The following DENND4C variants were observed in gnomAD, a reference collection of about 807,000 sequenced individuals.
The protein encoded by DENND4C is DENN domain-containing protein 4C.
DENND4C carries 108 observed loss-of-function variants against 203.0 expected under a neutral mutation model. The observed-to-expected ratio is 0.53, with a 90% CI of 0.46 to 0.62. The LOEUF is 0.62. DENND4C is among the 20% of genes least tolerant of loss of function. The pLI is 0.00. For missense variants in DENND4C, 2,481 were observed against 2,301.2 expected (o/e 1.08, Z -1.60); for synonymous variants, 871 against 792.4 (o/e 1.10, Z -1.67).
chr9:19,258,168 A>G (rs1564093296), intron 1 of DENND4C, among the ~76,000 whole-genome samples: 1 of 152,100 alleles, frequency 6.6e-6, no homozygotes, highest in African/African-American at 2.4e-5. Context: ...AGAAATAGGC[A>G]AGCCAAATAG....
At chr9:19,316,298 G>T (rs1176704424) in intron 10 of DENND4C, 119 bp from the exon 11 acceptor site, 4 of 720,646 alleles carry the variant, frequency 5.6e-6, no homozygotes, top group African/African-American at 1.8e-5. Context: ...GTTTGCATCA[G>T]TTAAGACTGT....
At chr9:19,274,585 G>T (rs73429033) in intron 1 of DENND4C, among the ~76,000 whole-genome samples, 6,653 of 152,070 alleles carry the variant, frequency 0.044, 288 homozygotes, top group African/African-American at 0.11. Flanking sequence ...GTGAGCCACC[G>T]TGCCCGGCCT....
intron 28 of DENND4C, among the ~76,000 whole-genome samples, chr9:19,359,926 C>T (rs1018667430): frequency 1.3e-5 from 2 of 152,052 alleles, no homozygotes; most frequent in Non-Finnish European, 2.9e-5. Flanking sequence ...ACATACATTA[C>T]TATAAAGCAT....
chr9:19,258,986 G>T (rs1828681608), intron 1 of DENND4C, among the ~76,000 whole-genome samples: 1 of 152,028 alleles, frequency 6.6e-6, no homozygotes, highest in Admixed American at 6.6e-5. Context: ...TACATAGTAG[G>T]TGTATATATT....
At chr9:19,242,556 A>G (rs937975289) in intron 1 of DENND4C, among the ~76,000 whole-genome samples, 2 of 151,814 alleles carry the variant, frequency 1.3e-5, no homozygotes, top group Non-Finnish European at 2.9e-5. Flanking sequence ...TGAATGTTAG[A>G]GTTCCTGTTC....
At chr9:19,276,134 G>A (rs7863025) in intron 1 of DENND4C, 24 bp from the exon 2 acceptor site, 1,061,607 of 1,155,344 alleles carry the variant, frequency 0.92, 488,345 homozygotes, top group East Asian at 1. Context: ...TATTTTATTG[G>A]TATCTTTCCC....
At chr9:19,241,254 T>C (rs1310181198) in intron 1 of DENND4C, among the ~76,000 whole-genome samples, 1 of 152,240 alleles carries the variant, frequency 6.6e-6, no homozygotes, top group Non-Finnish European at 1.5e-5. Flanking sequence ...CTTTTGACTT[T>C]AGAAGCTTTA....
At chr9:19,276,765 T>C (rs954509575) in intron 2 of DENND4C, 3 of 212,310 alleles carry the variant, frequency 1.4e-5, no homozygotes, top group African/African-American at 2.3e-5. Context: ...GTTGTACTTA[T>C]CAAATAAGAT....
intron 12 of DENND4C, among the ~76,000 whole-genome samples, chr9:19,321,831 CA>C (rs35648828): frequency 0.37 from 32,290 of 86,634 alleles, 3,658 homozygotes; most frequent in East Asian, 0.5. Flanking sequence ...GACTCCATCT[CA>C]AAAAAAAAAA....
rs1446327742 is a variant in DENND4C, at chr9:19,334,971, T to G, written c.2461-6T>G. ...ATTACTGACACTGATTTTTTTTTTT[T>G]GTTAGGTGTGCTATCGAGTAGTGAT... On this transcript the variant is annotated splice_polypyrimidine_tract_variant and splice_region_variant and intron_variant, in intron 17 of 32. Coordinates refer to ENST00000434457, the MANE Select transcript of DENND4C (RefSeq NM_001330640.2). 2.5e-6 allele frequency: 4 copies of G among 1,579,918 alleles called. No homozygotes were observed. Among genetic ancestry groups the G allele is most frequent in the Non-Finnish European group, 3.4e-6 (4 of 1,168,716 alleles).
chr9:19,359,826 T>G (rs1406191693), intron 28 of DENND4C, among the ~76,000 whole-genome samples: 2 of 152,208 alleles, frequency 1.3e-5, no homozygotes, highest in Non-Finnish European at 2.9e-5. Context: ...GTTGTAAAAG[T>G]GAGTTAAGTC....
intron 1 of DENND4C, among the ~76,000 whole-genome samples, chr9:19,259,509 T>C (rs983533982): frequency 6.7e-6 from 1 of 149,518 alleles, no homozygotes; most frequent in Non-Finnish European, 1.5e-5. Context: ...TTTTTTCTTT[T>C]TTTTTTTTTT....
rs1823031515 is a variant in DENND4C, at chr9:19,346,890, C to G, written c.4121C>G (p.Ser1374Cys). Reference protein sequence around the residue: ...PSRTHKERSTSLSALVRSSPH... With the variant: ...PSRTHKERSTCLSALVRSSPH... ...CGAACTCATAAAGAACGTTCAACTT[C>G]TTTGTCAGCACTGGTGCGTTCTTCG... Residue 1374 changes from serine to cysteine, a missense_variant, in exon 23 of 33, where the codon TCT (serine) becomes TGT (cysteine). Physicochemically the swap from Ser to Cys is moderately radical, Grantham distance 112. Around this residue, in one of 3 missense-constraint regions of DENND4C, gnomAD observed 2,289 missense variants for 2,113.3 expected, o/e 1.08. Transcript: ENST00000434457. The G allele has an allele frequency of 6.2e-7, 1 of 1,614,216 alleles. No homozygotes were observed. Among genetic ancestry groups the G allele is most frequent in the Non-Finnish European group, 8.5e-7 (1 of 1,180,044 alleles).
intron 13 of DENND4C, among the ~76,000 whole-genome samples, chr9:19,325,446 A>T (rs1380246764): frequency 1.3e-5 from 2 of 152,178 alleles, no homozygotes; most frequent in Non-Finnish European, 2.9e-5. Flanking sequence ...AAAAAAGTTG[A>T]ATATTATGAC....
intron 1 of DENND4C, among the ~76,000 whole-genome samples, chr9:19,268,193 C>T (rs542136742): frequency 1.3e-4 from 19 of 151,938 alleles, no homozygotes; most frequent in African/African-American, 2.9e-4. Context: ...TCGACCTCTC[C>T]GGCTTAAGCC....
intron 23 of DENND4C, among the ~76,000 whole-genome samples, chr9:19,349,603 A>G (rs1823638936): frequency 6.6e-6 from 1 of 152,208 alleles, no homozygotes; most frequent in South Asian, 2.1e-4. Context: ...ACATGAAGGA[A>G]TGAATGAAAA....
At position 19,373,423 on chromosome 9, in the gene DENND4C, C is replaced by T. The variant is rs1164358160; in HGVS notation, c.*1250C>T. 1 of 152,582 alleles carries T rather than the reference C, an allele frequency of 6.6e-6. No homozygotes were observed. Among genetic ancestry groups the T allele is most frequent in the African/African-American group, 2.4e-5 (1 of 41,442 alleles). The allele number at this position is 152,582 out of a possible 1,614,324, so 9.5% of individuals were successfully genotyped here. A position where few individuals can be genotyped will look rare whatever the true frequency, so the allele number is the denominator to read the frequency against. On this transcript the variant is annotated 3_prime_UTR_variant, in exon 33 of 33. Coordinates refer to ENST00000434457, the MANE Select transcript of DENND4C (RefSeq NM_001330640.2). Reference sequence around the variant, plus strand: ...ATTGAACATGAAATCTTTTTTCAGGCACATACATTGTTGGTATTGATGACT... The same window carrying T: ...ATTGAACATGAAATCTTTTTTCAGGTACATACATTGTTGGTATTGATGACT...
chr9:19,371,772 A>T lies in DENND4C; in HGVS notation c.5692A>T (p.Ile1898Phe), dbSNP rs781448954. ...GTTTTATAGGAGTTTATACAGAGAAATCCTCTTCTTATCATTAGTGTCTCT... is the reference window on the plus strand; with the variant it reads ...GTTTTATAGGAGTTTATACAGAGAATTCCTCTTCTTATCATTAGTGTCTCT... The part of the protein sequence containing the change: ...MKRQRSLYRE[I>F]LFLSLVSLGR... The change falls in exon 32 of 33, where the codon ATC becomes TTC. Residue 1898 changes from isoleucine to phenylalanine, a missense_variant. By Grantham distance (21) the Ile-to-Phe change is conservative. Transcript: ENST00000434457. The T allele has an allele frequency of 2.1e-6, 3 of 1,457,912 alleles. No individual in the cohort carries two copies. Among genetic ancestry groups the T allele is most frequent in the Admixed American group, 1.8e-5 (1 of 55,108 alleles). The allele number at this position is 1,457,912 out of a possible 1,614,324, so 90.3% of individuals were successfully genotyped here.
intron 30 of DENND4C, among the ~76,000 whole-genome samples, chr9:19,366,787 G>A (rs959238353): frequency 5.3e-5 from 8 of 152,148 alleles, no homozygotes; most frequent in African/African-American, 1.2e-4. Flanking sequence ...TCATGACTCC[G>A]TGTTAGTTAG....
Sources: allele counts gnomAD v4.1 joint callset (sites outside exome capture counted in the v4.1 genomes callset), GRCh38; gene constraint gnomAD v4.1.1; regional missense constraint gnomAD v4.1.1; transcripts MANE v1.5; gene names NCBI Gene and HGNC (gene_info 2026-07-23, HGNC 2026-07-21).